Variants in ACAD10 observed in about 807,000 individuals in gnomAD.
ACAD10 encodes the protein ACAD-10.
Under a neutral mutation model 116.8 loss-of-function variants are expected in ACAD10, and 112 were observed. The observed-to-expected ratio is 0.96, with a 90% CI of 0.82 to 1.12. ACAD10 has a LOEUF of 1.12. Ranked by LOEUF, ACAD10 falls within the 50% of genes most tolerant of loss-of-function variation. ACAD10 has a pLI of 0.00. For synonymous variants in ACAD10, 486 were observed against 510.6 expected (o/e 0.95, Z 0.65); for missense variants, 1,259 against 1,350.2 (o/e 0.93, Z 1.06).
At position 111,731,564 on chromosome 12, in the gene ACAD10, T is replaced by C. The variant is rs1010489201; in HGVS notation, c.1394+1608T>C. Among the ~76,000 whole-genome samples the C allele has an allele frequency of 2.6e-5, 4 of 152,168 alleles. No homozygotes were observed. The South Asian group carries it at 6.2e-4, about 24-fold the overall frequency. On this transcript the variant is annotated intron_variant, in intron 10 of 20. Coordinates refer to ENST00000313698, the MANE Select transcript of ACAD10 (RefSeq NM_025247.6). The stretch of plus-strand genomic sequence containing the variant: ...TCAAGTATACAGCAGGCAGGAGATA[T>C]CCAGTGCAGTCTGAGCACCCCCTCC...
chr12:111,748,426 G>A lies in ACAD10; in HGVS notation c.2595G>A (p.Gly865=), dbSNP rs1361858620. 1 of 1,613,986 alleles carries A rather than the reference G, an allele frequency of 6.2e-7. No homozygotes were observed. The highest frequency in any genetic ancestry group is 8.5e-7 in the Non-Finnish European group (1 of 1,180,040). The stretch of plus-strand genomic sequence containing the variant: ...TCTTGGTTCCCATGGATACCCCAGG[G>A]ATAAAAATCATCCGGCCTCTGACGG... The part of the protein sequence containing the change: ...SVLLVPMDTP[G]IKIIRPLTVY... Residue 865 remains glycine, a synonymous_variant, in exon 17 of 21, where the codon GGG becomes GGA. Coordinates refer to ENST00000313698, the MANE Select transcript of ACAD10 (RefSeq NM_025247.6).
At chr12:111,695,373 A>G (rs1479469111) in intron 2 of ACAD10, among the ~76,000 whole-genome samples, 1 of 152,228 alleles carries the variant, frequency 6.6e-6, no homozygotes, top group East Asian at 1.9e-4. Context: ...TACTAACTTC[A>G]AGAGTCCTCT....
chr12:111,752,506 G>C (rs761690589), intron 18 of ACAD10, among the ~76,000 whole-genome samples: 1 of 151,892 alleles, frequency 6.6e-6, no homozygotes, highest in Non-Finnish European at 1.5e-5. Flanking sequence ...TACTTGGGAG[G>C]CTGAAGCAGG....
chr12:111,702,224 G>A lies in ACAD10; in HGVS notation c.250G>A (p.Glu84Lys), dbSNP rs1330363116. 1.9e-6 allele frequency: 3 copies of A among 1,614,172 alleles called. No homozygotes were observed. In the African/African-American group the frequency reaches 4.0e-5, roughly 22 times the overall value. The change falls in exon 3 of 21, where the codon GAA becomes AAA. Residue 84 changes from glutamate (E) to lysine (K), a missense_variant. By Grantham distance (56) the Glu-to-Lys change is moderately conservative. Coordinates refer to ENST00000313698, the MANE Select transcript of ACAD10 (RefSeq NM_025247.6). ...TILKALMEGG[E>K]NGPWMRFMRA... The stretch of plus-strand genomic sequence containing the variant: ...ATTAAAGGCCTTGATGGAAGGTGGT[G>A]AAAATGGGCCCTGGATGAGATTTAT...
At position 111,695,581 on chromosome 12, in the gene ACAD10, G is replaced by C. The variant is rs1351016990; in HGVS notation, c.187+2685G>C. 2.6e-5 allele frequency among the ~76,000 whole-genome samples: 4 copies of C among 152,278 alleles called. No individual in the cohort carries two copies. The East Asian group carries it at 5.8e-4, about 22-fold the overall frequency. On this transcript the variant is annotated intron_variant, in intron 2 of 20. Coordinates refer to ENST00000313698, the MANE Select transcript of ACAD10 (RefSeq NM_025247.6). ...CACTGTTGCAGTGTTAGCTCTGCAG[G>C]CTGGCTCAGTCATTCAGGAAATGTT... is the stretch of plus-strand genomic sequence containing the variant.
chr12:111,729,031 T>C (rs1388905000), intron 9 of ACAD10, among the ~76,000 whole-genome samples: 1 of 152,078 alleles, frequency 6.6e-6, no homozygotes, highest in Non-Finnish European at 1.5e-5. Flanking sequence ...GCTTTACATA[T>C]TTTATTCTCC....
At chr12:111,710,917 G>A (rs981503838) in intron 5 of ACAD10, among the ~76,000 whole-genome samples, 7 of 152,272 alleles carry the variant, frequency 4.6e-5, no homozygotes, top group African/African-American at 1.7e-4. Context: ...GCTGTTTTGT[G>A]AACCGTTGAC....
At position 111,727,895 on chromosome 12, in the gene ACAD10, G is replaced by C. The variant is rs181067335; in HGVS notation, c.1062-67G>C. 8.4e-5 allele frequency: 124 copies of C among 1,473,566 alleles called. 1 individual carries two copies. In the East Asian group the frequency reaches 2.5e-3, roughly 30 times the overall value. 91.3% of individuals were successfully genotyped at this position (1,473,566 alleles called of 1,614,324 possible). On this transcript the variant is annotated intron_variant, in intron 8 of 20. Transcript: ENST00000313698. ...TACCCAGGGAAAGTGACAAAGAATA[G>C]GGTCATGACTAACAGCCTGCCACAT... is the stretch of plus-strand genomic sequence containing the variant.
At chr12:111,723,312 G>T (rs1156847814) in intron 8 of ACAD10, among the ~76,000 whole-genome samples, 1 of 139,428 alleles carries the variant, frequency 7.2e-6, no homozygotes, top group Non-Finnish European at 1.6e-5. Flanking sequence ...GGCTGGCCGG[G>T]CGGGGGGGCT....
intron 10 of ACAD10, among the ~76,000 whole-genome samples, chr12:111,730,887 G>A (rs182231749): frequency 2.3e-4 from 35 of 152,096 alleles, no homozygotes; most frequent in Non-Finnish European, 3.7e-4. Flanking sequence ...GAGCAGCTGG[G>A]ATTACAGGTG....
intron 2 of ACAD10, among the ~76,000 whole-genome samples, chr12:111,695,509 A>G (rs886382632): frequency 1.3e-5 from 2 of 151,788 alleles, no homozygotes; most frequent in Admixed American, 6.6e-5. Context: ...TGTCTCCTCT[A>G]TGGGGCTCTT....
chr12:111,749,520 T>C, intron 18 of ACAD10, 175 bp downstream of exon 18: 1 of 882,762 alleles, frequency 1.1e-6, no homozygotes, highest in Non-Finnish European at 1.7e-6. Flanking sequence ...TGCTGCAGTT[T>C]GGATTCAGAG....
At chr12:111,732,987 G>C (rs1889436536) in intron 10 of ACAD10, among the ~76,000 whole-genome samples, 1 of 152,206 alleles carries the variant, frequency 6.6e-6, no homozygotes. Context: ...TAGCATGCTG[G>C]CCCTGGGCAG....
At position 111,729,965 on chromosome 12, in the gene ACAD10, G is replaced by A; in HGVS notation, c.1394+9G>A. On this transcript the variant is annotated intron_variant, in intron 10 of 20. Coordinates refer to ENST00000313698, the MANE Select transcript of ACAD10 (RefSeq NM_025247.6). ...GTGCACGGGGACTTCAGGTAGATGT[G>A]GTGGCAGGGAGAGCTGAAAAATGAC... 1 of 1,612,338 alleles carries A rather than the reference G, an allele frequency of 6.2e-7. No individual in the cohort carries two copies. Among genetic ancestry groups the A allele is most frequent in the Non-Finnish European group, 8.5e-7 (1 of 1,178,934 alleles).
chr12:111,731,927 A>C (rs112386414), intron 10 of ACAD10, among the ~76,000 whole-genome samples: 11 of 152,314 alleles, frequency 7.2e-5, no homozygotes, highest in African/African-American at 2.6e-4. Flanking sequence ...TATTAAAAAT[A>C]TAAAAATTAC....
In ACAD10 at chr12:111,744,991, A is replaced by T. The variant is rs1889851074; in HGVS notation, c.2063A>T (p.His688Leu). Residue 688 changes from histidine (H) to leucine (L), a missense_variant, in exon 13 of 21, where the codon CAC (histidine) becomes CTC (leucine). Physicochemically the swap from His to Leu is moderately conservative, Grantham distance 99. Coordinates refer to ENST00000313698, the MANE Select transcript of ACAD10 (RefSeq NM_025247.6). ...CCTGCAGAGCCAGAGCTGCAGAGTCACCAGGCCTCAGCAGCCAGGTGGAGC... is the reference window on the plus strand; with the variant it reads ...CCTGCAGAGCCAGAGCTGCAGAGTCTCCAGGCCTCAGCAGCCAGGTGGAGC... ...VYPAEPELQS[H>L]QASAARWSPS... The T allele has an allele frequency of 6.2e-7, 1 of 1,613,930 alleles. No individual in the cohort carries two copies. The highest frequency in any genetic ancestry group is 1.3e-5 in the African/African-American group (1 of 74,912).
At position 111,744,654 on chromosome 12, in the gene ACAD10, T is replaced by C. The variant is rs1321067457; in HGVS notation, c.1726T>C (p.Ser576Pro). ...YKRSLTGQAS[S>P]TYAEQTGKLT... ...TTGATTCTGCTTAGGGCAAGCAAGCTCCACATATGCGGAACAAACTGGAAA... is the reference window on the plus strand; with the variant it reads ...TTGATTCTGCTTAGGGCAAGCAAGCCCCACATATGCGGAACAAACTGGAAA... The change falls in exon 13 of 21, where the codon TCC becomes CCC. Residue 576 changes from serine (S) to proline (P), a missense_variant. Transcript: ENST00000313698. 6.2e-7 allele frequency: 1 copy of C among 1,613,190 alleles called. No individual in the cohort carries two copies. Among genetic ancestry groups the C allele is most frequent in the South Asian group, 1.1e-5 (1 of 90,974 alleles).
chr12:111,737,063 C>A, intron 12 of ACAD10, 59 bp downstream of exon 12: 1 of 1,563,060 alleles, frequency 6.4e-7, no homozygotes. Flanking sequence ...AGGACCGTGC[C>A]TCCACCTGGA....
intron 5 of ACAD10, among the ~76,000 whole-genome samples, chr12:111,711,283 C>G (rs1369706595): frequency 6.6e-6 from 1 of 152,226 alleles, no homozygotes; most frequent in Non-Finnish European, 1.5e-5. Flanking sequence ...TCACTGCAAG[C>G]TCCACCTCCT....
Sources: allele counts gnomAD v4.1 joint callset (sites outside exome capture counted in the v4.1 genomes callset), GRCh38; gene constraint gnomAD v4.1.1; transcripts MANE v1.5; gene names NCBI Gene and HGNC (gene_info 2026-07-23, HGNC 2026-07-21).